The following TGFBR2 variants were observed in gnomAD, a reference collection of about 807,000 sequenced individuals.
TGFBR2 encodes TGF-beta receptor type-2.
A neutral mutation model predicts 49.0 loss-of-function variants in TGFBR2; 18 were observed. That is an observed-to-expected ratio of 0.37 (90% CI 0.25 to 0.54). The LOEUF (loss-of-function observed/expected upper bound fraction) is 0.54. Among genes scored for constraint, TGFBR2 ranks in the 20% least tolerant of loss-of-function variants. The probability of loss-of-function intolerance (pLI) is 0.85; values close to 1 mark genes in which losing one functional copy is unlikely to be tolerated. For missense variants in TGFBR2, 525 were observed against 722.6 expected (o/e 0.73, Z 3.13); for synonymous variants, 282 against 275.9 (o/e 1.02, Z -0.22).
At position 30,693,999 on chromosome 3, in the gene TGFBR2, C is replaced by T. The variant is rs1269894368; in HGVS notation, c.*2400C>T. ...AAAATAGGAATGTGAATGCTATATA[C>T]TCTTTTTATATCAAAAGTCTCAAGC... On this transcript the variant is annotated 3_prime_UTR_variant, in exon 7 of 7. Transcript: ENST00000295754. The T allele has an allele frequency of 1.3e-5, 3 of 229,788 alleles. No homozygotes were observed. Among genetic ancestry groups the T allele is most frequent in the South Asian group, 1.8e-4 (1 of 5,492 alleles). 14.2% of individuals were successfully genotyped at this position (229,788 alleles called of 1,614,324 possible). A position where few individuals can be genotyped will look rare whatever the true frequency, so the allele number is the denominator to read the frequency against.
At chr3:30,664,100 A>G (rs1205140834) in intron 3 of TGFBR2, among the ~76,000 whole-genome samples, 1 of 151,322 alleles carries the variant, frequency 6.6e-6, no homozygotes, top group African/African-American at 2.4e-5. Context: ...CTCCTGCCTC[A>G]GCCTTTTAAG....
rs146296952 is a variant in TGFBR2, at chr3:30,693,414, C to T, written c.*1815C>T. The T allele has an allele frequency of 3.2e-3, 748 of 233,684 alleles. 3 individuals are homozygous for T. The highest frequency in any genetic ancestry group is 0.012 in the African/African-American group (562 of 45,458). The allele number at this position is 233,684 out of a possible 1,614,324, so 14.5% of individuals were successfully genotyped here. ...AATCAACAAAGAAGTGTTAATGCTG[C>T]AAGTAATCTCTTTTTTAAAACTTTT... On this transcript the variant is annotated 3_prime_UTR_variant, in exon 7 of 7. Transcript: ENST00000295754.
intron 4 of TGFBR2, among the ~76,000 whole-genome samples, chr3:30,673,781 G>A (rs1008227766): frequency 3.3e-5 from 5 of 152,120 alleles, no homozygotes; most frequent in African/African-American, 4.8e-5. Flanking sequence ...CACAAATATT[G>A]TCTCTCAGGT....
intron 3 of TGFBR2, among the ~76,000 whole-genome samples, chr3:30,662,685 G>A (rs1309382893): frequency 1.3e-5 from 2 of 152,140 alleles, no homozygotes; most frequent in African/African-American, 4.8e-5. Context: ...CTAGGATGAT[G>A]GATGGGGAAG....
intron 1 of TGFBR2, among the ~76,000 whole-genome samples, chr3:30,628,984 C>G (rs1476443331): frequency 2.0e-5 from 3 of 152,154 alleles, no homozygotes; most frequent in Non-Finnish European, 4.4e-5. Flanking sequence ...ACAAGGCATC[C>G]AAGCCAGCAG....
At chr3:30,659,091 T>C (rs1050284828) in intron 3 of TGFBR2, among the ~76,000 whole-genome samples, 1 of 152,150 alleles carries the variant, frequency 6.6e-6, no homozygotes, top group African/African-American at 2.4e-5. Flanking sequence ...GAGTAAATGG[T>C]GTTTTGGTAG....
intron 1 of TGFBR2, among the ~76,000 whole-genome samples, chr3:30,629,188 C>T (rs1267709080): frequency 6.6e-6 from 1 of 152,192 alleles, no homozygotes; most frequent in African/African-American, 2.4e-5. Flanking sequence ...CCACATGTGG[C>T]TATTAAGCAC....
chr3:30,664,142 C>G (rs954864873), intron 3 of TGFBR2, among the ~76,000 whole-genome samples: 1 of 113,776 alleles, frequency 8.8e-6, no homozygotes, highest in Non-Finnish European at 1.8e-5. Flanking sequence ...ACCACCACAT[C>G]CAGCTAATTT....
intron 1 of TGFBR2, among the ~76,000 whole-genome samples, chr3:30,635,504 A>G (rs1698511078): frequency 6.6e-6 from 1 of 152,230 alleles, no homozygotes; most frequent in Non-Finnish European, 1.5e-5. Context: ...ATAGGAAAGG[A>G]TGCAATTGAA....
At position 30,657,392 on chromosome 3, in the gene TGFBR2, A is replaced by C. The variant is rs116234279; in HGVS notation, c.454+6932A>C. On this transcript the variant is annotated intron_variant, in intron 3 of 6. Coordinates refer to ENST00000295754, the MANE Select transcript of TGFBR2 (RefSeq NM_003242.6). ...GAAATGATGTGTATAAACGATGGCC[A>C]GTAAGATGCTCATCTGTTGGGAAGA... Among the ~76,000 whole-genome samples the C allele has an allele frequency of 2.9e-3, 438 of 152,252 alleles. 3 individuals are homozygous for C. The highest frequency in any genetic ancestry group is 0.01 in the African/African-American group (423 of 41,540).
chr3:30,671,933 G>C lies in TGFBR2; in HGVS notation c.750G>C (p.Val250=), dbSNP rs762572402. Residue 250 remains valine, a synonymous_variant, in exon 4 of 7, where the codon GTG becomes GTC. Transcript: ENST00000295754. ...TGCCCATTGAGCTGGACACCCTGGT[G>C]GGGAAAGGTCGCTTTGCTGAGGTCT... ...ELLPIELDTL[V]GKGRFAEVYK... 1.4e-5 allele frequency: 22 copies of C among 1,614,186 alleles called. No individual in the cohort carries two copies. The highest frequency in any genetic ancestry group is 1.9e-5 in the Non-Finnish European group (22 of 1,180,034).
intron 1 of TGFBR2, among the ~76,000 whole-genome samples, chr3:30,613,552 A>AAG (rs1346050465): frequency 7.4e-6 from 1 of 134,584 alleles, no homozygotes; most frequent in African/African-American, 2.9e-5. Flanking sequence ...GAGAGAGAGA[A>AAG]AGAGAGAGAG....
intron 1 of TGFBR2, among the ~76,000 whole-genome samples, chr3:30,630,622 A>G (rs1220370324): frequency 7.2e-5 from 11 of 152,204 alleles, no homozygotes. Context: ...CTCACCAACT[A>G]CTGTGGCTGA....
At chr3:30,688,292 C>T (rs1239261599) in intron 5 of TGFBR2, 92 bp from the exon 6 acceptor site, 1 of 1,555,450 alleles carries the variant, frequency 6.4e-7, no homozygotes, top group African/African-American at 1.4e-5. Context: ...CTTAGTGCTT[C>T]ATGCTCCCCA....
intron 3 of TGFBR2, among the ~76,000 whole-genome samples, chr3:30,652,600 A>G (rs1698915888): frequency 1.3e-5 from 2 of 152,156 alleles, no homozygotes; most frequent in African/African-American, 2.4e-5. Flanking sequence ...AAACATGGTA[A>G]CACCTGATAT....
intron 5 of TGFBR2, among the ~76,000 whole-genome samples, chr3:30,684,084 A>C (rs1575163361): frequency 6.6e-6 from 1 of 152,154 alleles, no homozygotes; most frequent in Admixed American, 6.5e-5. Flanking sequence ...TCCATGTTAC[A>C]TGGTCATCCT....
At chr3:30,636,477 T>A (rs1254007397) in intron 1 of TGFBR2, among the ~76,000 whole-genome samples, 3 of 152,150 alleles carry the variant, frequency 2.0e-5, no homozygotes, top group Non-Finnish European at 4.4e-5. Flanking sequence ...GGCTGTCACT[T>A]GAATGAAAGC....
chr3:30,646,653 C>T (rs893053988), intron 2 of TGFBR2, among the ~76,000 whole-genome samples: 1 of 152,042 alleles, frequency 6.6e-6, no homozygotes, highest in Non-Finnish European at 1.5e-5. Flanking sequence ...TCTGTAAGCA[C>T]CAAGTGAAGT....
rs567072359 is a variant in TGFBR2, at chr3:30,643,056, G to C, written c.95-1691G>C. Among the ~76,000 whole-genome samples, 7 of 152,216 alleles carry C rather than the reference G, an allele frequency of 4.6e-5. No homozygotes were observed. In the South Asian group the frequency reaches 1.5e-3, roughly 32 times the overall value. On this transcript the variant is annotated intron_variant, in intron 1 of 6. Coordinates refer to ENST00000295754, the MANE Select transcript of TGFBR2 (RefSeq NM_003242.6). The stretch of plus-strand genomic sequence containing the variant: ...ATTTATATACGTTTATATTTTTAGA[G>C]ACCCAGGAAACAGGTGCTATGCCCA...
Sources: gnomAD v4.1 joint callset for allele counts (sites outside exome capture counted in the v4.1 genomes callset) on GRCh38, gnomAD v4.1.1 for gene constraint, MANE v1.5 for transcripts, NCBI Gene and HGNC (gene_info 2026-07-23, HGNC 2026-07-21) for gene names.